The following NAA11 variants were observed in gnomAD, a reference collection of about 807,000 sequenced individuals.
NAA11 encodes the protein N-alpha-acetyltransferase 11.
NAA11 carries 15 observed loss-of-function variants against 16.1 expected under a neutral mutation model. The ratio of observed to expected loss-of-function variants is 0.93; its 90% CI spans 0.62 to 1.44. NAA11 has a LOEUF of 1.44. Ranked by LOEUF, NAA11 falls within the 40% of genes most tolerant of loss-of-function variation. NAA11 has a pLI of 0.00. For missense variants in NAA11, 298 were observed against 291.3 expected (o/e 1.02, Z -0.17); for synonymous variants, 122 against 112.4 (o/e 1.09, Z -0.54).
the NAA11 span, among the ~76,000 whole-genome samples, chr4:79,196,955 C>CAAAAAAAAAAAAAA: frequency 3.5e-3 from 302 of 86,186 alleles, no homozygotes; most frequent in South Asian, 6.7e-3. Flanking sequence ...ATGAAAAAGA[C>CAAAAAAAAAAAAAA]AAAAAAAAAA....
the NAA11 span, among the ~76,000 whole-genome samples, chr4:79,169,443 G>A: frequency 3.0e-4 from 46 of 152,152 alleles, no homozygotes; most frequent in African/African-American, 1.1e-3. Flanking sequence ...GGCCTCAGAA[G>A]TAACACTACA....
rs115129225 is a variant in NAA11 at position 79,309,676 on chromosome 4, T to A, written c.*12+15500A>T. ...TCTTCTTAACGTAGTATTTATTGTTTGAAAAGAATTCTTATTCTATTGGTG... is the reference window on the plus strand; with the variant it reads ...TCTTCTTAACGTAGTATTTATTGTTAGAAAAGAATTCTTATTCTATTGGTG... On this transcript the variant is annotated intron_variant and NMD_transcript_variant, in intron 1 of 2. Coordinates refer to the NAA11 transcript ENST00000511542. 3.7e-3 allele frequency among the ~76,000 whole-genome samples: 565 copies of A among 151,692 alleles called. 1 individual carries two copies. The highest frequency in any genetic ancestry group is 0.013 in the African/African-American group (551 of 41,430).
chr4:79,234,356 T>C (rs17003679), intron 2 of NAA11, among the ~76,000 whole-genome samples: 18,224 of 152,162 alleles, frequency 0.12, 1,332 homozygotes, highest in African/African-American at 0.19. Context: ...TGGCTTTCTA[T>C]TTAAGCAAAT....
intron 1 of NAA11, among the ~76,000 whole-genome samples, chr4:79,298,000 C>G (rs922513992): frequency 6.6e-6 from 1 of 152,192 alleles, no homozygotes; most frequent in African/African-American, 2.4e-5. Flanking sequence ...CTGATAAAAG[C>G]CCAGGGCTCA....
At chr4:79,245,294 T>G (rs138488122) in intron 2 of NAA11, 3 of 153,252 alleles carry the variant, frequency 2.0e-5, no homozygotes, top group Non-Finnish European at 4.2e-5. Flanking sequence ...GTCTAGGAAG[T>G]GAGGAACGTC....
chr4:79,298,655 C>T (rs1315932962), intron 1 of NAA11, among the ~76,000 whole-genome samples: 2 of 152,214 alleles, frequency 1.3e-5, no homozygotes, highest in African/African-American at 2.4e-5. Context: ...CACTCACACA[C>T]CCCTCACTGT....
rs1724243931 is a variant in NAA11, at chr4:79,325,509, A to T, written c.369T>A (p.Ser123=). 2 of 1,614,214 alleles carry T rather than the reference A, an allele frequency of 1.2e-6. No individual in the cohort carries two copies. Among genetic ancestry groups the T allele is most frequent in the African/African-American group, 1.3e-5 (1 of 75,060 alleles). The change falls in exon 1 of 2, where the codon TCT becomes TCA. Residue 123 remains serine (S), a synonymous_variant. Coordinates refer to ENST00000286794, the MANE Select transcript of NAA11 (RefSeq NM_032693.3). The stretch of plus-strand genomic sequence containing the variant: ...CACTAATCTGAAAGTTGAGGGTGTT[A>T]GAATAAAGGTGCAAGGCTGGCCGGT... The part of the protein sequence containing the change: ...KSNRPALHLY[S]NTLNFQISEV...
intron 2 of NAA11, among the ~76,000 whole-genome samples, chr4:79,234,616 T>C (rs1391362998): frequency 6.6e-6 from 1 of 152,152 alleles, no homozygotes; most frequent in Non-Finnish European, 1.5e-5. Flanking sequence ...ATTAGTTTAC[T>C]GAGTGCCATT....
chr4:79,311,005 G>A (rs995049337), intron 1 of NAA11, among the ~76,000 whole-genome samples: 23 of 151,578 alleles, frequency 1.5e-4, no homozygotes, highest in African/African-American at 4.1e-4. Flanking sequence ...TTAGTCCAGC[G>A]CTATTTGACT....
intron 2 of NAA11, among the ~76,000 whole-genome samples, chr4:79,264,119 T>C (rs921436986): frequency 6.6e-6 from 1 of 152,322 alleles, no homozygotes; most frequent in East Asian, 1.9e-4. Context: ...GCTCGTGCAC[T>C]AGATCAGCAC....
intron 2 of NAA11, among the ~76,000 whole-genome samples, chr4:79,268,019 G>A (rs542887819): frequency 3.4e-5 from 5 of 147,236 alleles, no homozygotes; most frequent in African/African-American, 1.2e-4. Context: ...GAAGACAAAT[G>A]TGAAAGCAAC....
intron 2 of NAA11, among the ~76,000 whole-genome samples, chr4:79,270,290 A>C (rs1405744057): frequency 6.6e-6 from 1 of 152,018 alleles, no homozygotes. Context: ...TAAATGGATA[A>C]ATTCCTCGAC....
At chr4:79,303,077 T>TATATATATATAC in intron 1 of NAA11, among the ~76,000 whole-genome samples, 1 of 3,090 alleles carries the variant, frequency 3.2e-4, no homozygotes, top group East Asian at 0.05. Flanking sequence ...TGAGGCCTTT[T>TATATATATATAC]ATATATATAT....
the NAA11 span, among the ~76,000 whole-genome samples, chr4:79,156,921 A>G: frequency 1.3e-5 from 2 of 152,224 alleles, no homozygotes; most frequent in African/African-American, 4.8e-5. Flanking sequence ...AATGGCTCAG[A>G]ATTAAATACA....
the NAA11 span, among the ~76,000 whole-genome samples, chr4:79,169,508 A>T: frequency 6.6e-6 from 1 of 152,100 alleles, no homozygotes; most frequent in Non-Finnish European, 1.5e-5. Context: ...AATGGGGAAA[A>T]TATTCCCTAT....
At chr4:79,227,807 T>C (rs1053547506) in intron 2 of NAA11, 1 of 151,980 alleles carries the variant, frequency 6.6e-6, no homozygotes, top group African/African-American at 2.4e-5. Context: ...CTGATCTTGT[T>C]CTCAGCAAAA....
chr4:79,308,190 TATG>T (rs1214667464), intron 1 of NAA11: 9 of 152,244 alleles, frequency 5.9e-5, no homozygotes, highest in Non-Finnish European at 1.2e-4. Context: ...TGTGCATGTC[TATG>T]ATAAGTAGAT....
At chr4:79,229,412 T>C (rs958177144) in intron 2 of NAA11, among the ~76,000 whole-genome samples, 1 of 152,072 alleles carries the variant, frequency 6.6e-6, no homozygotes, top group South Asian at 2.1e-4. Context: ...GATCTATGTA[T>C]CTATTTTGTA....
At chr4:79,193,865 A>T in the NAA11 span, among the ~76,000 whole-genome samples, 1 of 152,144 alleles carries the variant, frequency 6.6e-6, no homozygotes, top group Non-Finnish European at 1.5e-5. Flanking sequence ...TGAACATGGA[A>T]TGTTCTTCCA....
Sources: allele counts gnomAD v4.1 joint callset (sites outside exome capture counted in the v4.1 genomes callset), GRCh38; gene constraint gnomAD v4.1.1; transcripts MANE v1.5; gene names NCBI Gene and HGNC (gene_info 2026-07-23, HGNC 2026-07-21).